CEP170B: variants seen among roughly 807,000 people sequenced by gnomAD.
CEP170B encodes the protein centrosomal protein of 170 kDa protein B.
CEP170B carries 55 observed loss-of-function variants against 120.6 expected under a neutral mutation model. The ratio of observed to expected loss-of-function variants is 0.46; its 90% confidence interval spans 0.37 to 0.57. The LOEUF is 0.57. CEP170B is among the 20% of genes least tolerant of loss of function. The pLI, the probability that CEP170B is intolerant of heterozygous loss-of-function variation, is 0.00. For synonymous variants in CEP170B, 1,033 were observed against 954.5 expected (o/e 1.08, Z -1.52); for missense variants, 2,212 against 2,253.3 (o/e 0.98, Z 0.37).
chr14:104,872,470 C>CGTGTGTGTGCGTGTGTGCCGT (rs1895615581), intron 2 of CEP170B, among the ~76,000 whole-genome samples: 1 of 71,380 alleles, frequency 1.4e-5, no homozygotes, highest in Non-Finnish European at 3.6e-5. Context: ...GTGGGTGTGC[C>CGTGTGTGTGCGTGTGTGCCGT]GTGTGTGTGC....
At chr14:104,876,532 T>C (rs530135132) in intron 3 of CEP170B, among the ~76,000 whole-genome samples, 187 bp downstream of exon 3, 2 of 141,596 alleles carry the variant, frequency 1.4e-5, no homozygotes, top group African/African-American at 5.4e-5. Context: ...CCTTCTCAGC[T>C]CTGGCTCCTC....
At position 104,894,818 on chromosome 14, in the gene CEP170B, C is replaced by A; in HGVS notation, c.4525C>A (p.Gln1509Lys). The change falls in exon 19 of 19, where the codon CAG (glutamine) becomes AAG (lysine). Residue 1509 changes from glutamine to lysine, a missense_variant. Transcript: ENST00000414716. ...PGLGKGRVAA[Q>K]SPPSPASAEA... ...GCTGGGGAAGGGCCGCGTGGCTGCCCAGAGCCCACCCTCACCCGCCTCAGC... is the reference window on the plus strand; with the variant it reads ...GCTGGGGAAGGGCCGCGTGGCTGCCAAGAGCCCACCCTCACCCGCCTCAGC... 1 of 1,608,708 alleles carries A rather than the reference C, an allele frequency of 6.2e-7. No individual in the cohort carries two copies. Among genetic ancestry groups the A allele is most frequent in the Non-Finnish European group, 8.5e-7 (1 of 1,178,874 alleles).
chr14:104,878,320 GAA>G, intron 4 of CEP170B, 121 bp from the exon 5 acceptor site: 1 of 986,240 alleles, frequency 1.0e-6, no homozygotes, highest in Admixed American at 2.0e-5. Context: ...TCCCCGGGAA[GAA>G]AGAGGCCCCT....
chr14:104,889,719 G>A lies in CEP170B; in HGVS notation c.3839G>A (p.Gly1280Asp), dbSNP rs749643172. ...DDDEEEPDPY[G>D]FIVQTAEIAE... ...GATGAGGAGGAGCCTGACCCTTATG[G>A]TTTCATCGTGCAGACGGCAGAGATT... is the stretch of plus-strand genomic sequence containing the variant. Residue 1280 changes from glycine to aspartate, a missense_variant, in exon 13 of 19, where the codon GGT becomes GAT. Gly to Asp is a moderately conservative substitution (Grantham distance 94). Transcript: ENST00000414716. 1 of 1,610,044 alleles carries A rather than the reference G, an allele frequency of 6.2e-7. No individual in the cohort carries two copies. The highest frequency in any genetic ancestry group is 8.5e-7 in the Non-Finnish European group (1 of 1,177,996).
intron 2 of CEP170B, among the ~76,000 whole-genome samples, chr14:104,875,647 A>G (rs1895805105): frequency 6.6e-6 from 1 of 152,096 alleles, no homozygotes; most frequent in Non-Finnish European, 1.5e-5. Context: ...GCAAGTAGAA[A>G]GTGACTCGCC....
In CEP170B at chr14:104,883,175, C is replaced by T; in HGVS notation, c.718C>T (p.Pro240Ser). The T allele has an allele frequency of 1.2e-6, 2 of 1,600,284 alleles. No homozygotes were observed. Among genetic ancestry groups the T allele is most frequent in the Non-Finnish European group, 1.7e-6 (2 of 1,175,688 alleles). The change falls in exon 8 of 19, where the codon CCC becomes TCC. Residue 240 changes from proline to serine, a missense_variant. By Grantham distance (74) the Pro-to-Ser change is moderately conservative (BLOSUM62 -1). Transcript: ENST00000414716. ...TKETPQPSQP[P>S]EVPAHEMPTK... Reference sequence around the variant, plus strand: ...GGAGACCCCGCAGCCGTCGCAGCCCCCCGAGGTGCCGGCACACGAGATGCC... The same window carrying T: ...GGAGACCCCGCAGCCGTCGCAGCCCTCCGAGGTGCCGGCACACGAGATGCC...
At position 104,882,844 on chromosome 14, in the gene CEP170B, G is replaced by A. The variant is rs1896228741; in HGVS notation, c.577+12G>A. On this transcript the variant is annotated intron_variant, in intron 7 of 18. Transcript: ENST00000414716. ...AGAGCCCTACCCAGGTTGGTCTTGG[G>A]GCCAGGCTGGTGAGACCCTGAGGGC... 7 of 1,609,846 alleles carry A rather than the reference G, an allele frequency of 4.3e-6. No homozygotes were observed. Among genetic ancestry groups the A allele is most frequent in the Non-Finnish European group, 5.9e-6 (7 of 1,178,338 alleles).
chr14:104,865,119 T>C (rs1408393119), upstream of CEP170B, among the ~76,000 whole-genome samples: 2 of 148,986 alleles, frequency 1.3e-5, no homozygotes, highest in East Asian at 2.0e-4. The surrounding 1 kb of genome is among the most constrained non-coding windows in gnomAD (Gnocchi z 6.7). Context: ...CGCGCGGGGC[T>C]ACCGGGGCGG....
chr14:104,883,424 C>G lies in CEP170B; in HGVS notation c.967C>G (p.Pro323Ala). ...GGCCGACTGGCTGGTGCAGAATGACCCGAGCCTGCTGCACCGGGTTGGCCC... is the reference window on the plus strand; with the variant it reads ...GGCCGACTGGCTGGTGCAGAATGACGCGAGCCTGCTGCACCGGGTTGGCCC... ...KVADWLVQND[P>A]SLLHRVGPGD... is the part of the protein sequence containing the mutation. The change falls in exon 8 of 19, where the codon CCG becomes GCG. Residue 323 changes from proline (P) to alanine (A), a missense_variant. Physicochemically the swap from Pro to Ala is conservative, Grantham distance 27. Around this residue, in one of 2 missense-constraint regions of CEP170B, gnomAD observed 2,166 missense variants for 2,166.7 expected, o/e 1.00. Coordinates refer to ENST00000414716, the MANE Select transcript of CEP170B (RefSeq NM_001112726.3). The G allele has an allele frequency of 1.3e-5, 20 of 1,573,186 alleles. No homozygotes were observed. Among genetic ancestry groups the G allele is most frequent in the Non-Finnish European group, 1.6e-5 (19 of 1,160,896 alleles).
chr14:104,887,654 G>T lies in CEP170B; in HGVS notation c.3415G>T (p.Ala1139Ser). The T allele has an allele frequency of 6.4e-7, 1 of 1,564,948 alleles. No individual in the cohort carries two copies. The highest frequency in any genetic ancestry group is 8.6e-7 in the Non-Finnish European group (1 of 1,157,552). The change falls in exon 12 of 19, where the codon GCT becomes TCT. Residue 1139 changes from alanine to serine, a missense_variant. Ala to Ser is a moderately conservative substitution (Grantham distance 99, BLOSUM62 1). This residue lies in a region of CEP170B where 2,166 missense variants were observed against 2,166.7 expected (regional missense o/e 1.00). Coordinates refer to ENST00000414716, the MANE Select transcript of CEP170B (RefSeq NM_001112726.3). ...GCTGGGGGACGCTTCAGACACTGAG[G>T]CTGCGGATGGTGAGCGGGGGTCCCT... ...ARLGDASDTE[A>S]ADGERGSLGN...
At position 104,872,155 on chromosome 14, in the gene CEP170B, C is replaced by CCGT. The variant is rs1555390505; in HGVS notation, c.105+3600_105+3601insCGT. Among the ~76,000 whole-genome samples, 508 of 140,870 alleles carry CCGT rather than the reference C, an allele frequency of 3.6e-3. 3 individuals are homozygous for CCGT. The highest frequency in any genetic ancestry group is 0.012 in the African/African-American group (471 of 37,796). 92.4% of individuals were successfully genotyped at this position (140,870 alleles called of 152,430 possible). A position where few individuals can be genotyped will look rare whatever the true frequency, so the allele number is the denominator to read the frequency against. On this transcript the variant is annotated intron_variant, in intron 2 of 18. Transcript: ENST00000414716. ...TGTGCGTGTGTGTGCCGTGTGTGTG[C>CCGT]GTGTGTGCCGCGTGTGTGTGCGTGT... is the stretch of plus-strand genomic sequence containing the variant.
At chr14:104,879,928 T>TC (rs1187554590) in intron 5 of CEP170B, among the ~76,000 whole-genome samples, 1 of 151,878 alleles carries the variant, frequency 6.6e-6, no homozygotes, top group Non-Finnish European at 1.5e-5. Flanking sequence ...CAGCCTGGGG[T>TC]CCCCCAGCCT....
rs189800057 is a variant in CEP170B, at chr14:104,872,911, G to A, written c.106-3345G>A. On this transcript the variant is annotated intron_variant, in intron 2 of 18. Coordinates refer to ENST00000414716, the MANE Select transcript of CEP170B (RefSeq NM_001112726.3). ...TAGACACTTTCCCCAAAATCCATGT[G>A]TTTGGGGCGTCTTCCGGCCATGCCA... Among the ~76,000 whole-genome samples, 319 of 152,358 alleles carry A rather than the reference G, an allele frequency of 2.1e-3. 1 individual carries two copies. Among genetic ancestry groups the A allele is most frequent in the African/African-American group, 7.6e-3 (315 of 41,590 alleles).
chr14:104,879,113 T>G (rs946818065), intron 5 of CEP170B, among the ~76,000 whole-genome samples: 2 of 152,148 alleles, frequency 1.3e-5, no homozygotes, highest in African/African-American at 2.4e-5. Flanking sequence ...GGGCTTTAGA[T>G]TCTCTGACAT....
At chr14:104,875,620 G>A (rs945316580) in intron 2 of CEP170B, among the ~76,000 whole-genome samples, 1 of 152,162 alleles carries the variant, frequency 6.6e-6, no homozygotes, top group African/African-American at 2.4e-5. Flanking sequence ...GGCAGCAGCC[G>A]TGCTCGCAGC....
chr14:104,884,639 CGGG>C lies in CEP170B; in HGVS notation c.1770+94_1770+96del. On this transcript the variant is annotated intron_variant, in intron 9 of 18. Coordinates refer to ENST00000414716, the MANE Select transcript of CEP170B (RefSeq NM_001112726.3). ...GGCGAGTGAGAGCCCTCGTGGGGAA[CGGG>C]GGGTGGAGGCGATGCCGGGGGTGGC... The C allele has an allele frequency of 2.9e-6, 3 of 1,025,750 alleles. No individual in the cohort carries two copies. The East Asian group carries it at 1.3e-4, about 43-fold the overall frequency. The allele number at this position is 1,025,750 out of a possible 1,614,324, so 63.5% of individuals were successfully genotyped here.
chr14:104,884,493 A>C lies in CEP170B; in HGVS notation c.1714A>C (p.Ile572Leu). The C allele has an allele frequency of 6.4e-7, 1 of 1,564,136 alleles. No homozygotes were observed. Among genetic ancestry groups the C allele is most frequent in the Non-Finnish European group, 8.7e-7 (1 of 1,154,372 alleles). The part of the protein sequence containing the change: ...DSLSDAGTYT[I>L]ETEAQDTEVE... ...CCTCAGTGACGCAGGGACATACACC[A>C]TCGAGACCGAGGCGCAGGACACGGA... Residue 572 changes from isoleucine to leucine, a missense_variant, in exon 9 of 19, where the codon ATC becomes CTC. By Grantham distance (5) the Ile-to-Leu change is conservative (BLOSUM62 2). This residue lies in a region of CEP170B where 2,166 missense variants were observed against 2,166.7 expected (regional missense o/e 1.00). Transcript: ENST00000414716.
chr14:104,877,836 A>ACCCCCCCCCCCCCCCCCCCCCCCCCCCCC, intron 3 of CEP170B, 49 bp from the exon 4 acceptor site: 1 of 237,064 alleles, frequency 4.2e-6, no homozygotes, highest in Non-Finnish European at 6.7e-6. Flanking sequence ...GCCCACAGCC[A>ACCCCCCCCCCCCCCCCCCCCCCCCCCCCC]CCCACCCGCG....
rs1483869843 is a variant in CEP170B at position 104,883,354 on chromosome 14, C to T, written c.897C>T (p.Gly299=). ...CCCTGCGCCAGCGGCGGCCCCCGGG[C>T]AAGGAGGCCACACCTGGCGAGATGG... ...KFSLRQRRPP[G]KEATPGEMVS... The change falls in exon 8 of 19, where the codon GGC becomes GGT. Residue 299 remains glycine (G), a synonymous_variant. Coordinates refer to ENST00000414716, the MANE Select transcript of CEP170B (RefSeq NM_001112726.3). 1 of 1,610,504 alleles carries T rather than the reference C, an allele frequency of 6.2e-7. No homozygotes were observed. Among genetic ancestry groups the T allele is most frequent in the Non-Finnish European group, 8.5e-7 (1 of 1,179,236 alleles).
Sources: allele counts gnomAD v4.1 joint callset (sites outside exome capture counted in the v4.1 genomes callset), GRCh38; gene constraint gnomAD v4.1.1; regional missense constraint gnomAD v4.1.1; non-coding constraint Gnocchi (gnomAD v3.1); transcripts MANE v1.5; gene names NCBI Gene and HGNC (gene_info 2026-07-23, HGNC 2026-07-21).